CCR5AS: variants seen among roughly 807,000 people sequenced by gnomAD.
CCR5AS encodes the protein CCR5 antisense RNA.
intron 2 of CCR5AS, chr3:46,374,242 A>C (rs1303932410): frequency 3.3e-6 from 1 of 300,414 alleles, no homozygotes; most frequent in African/African-American, 2.2e-5. Context: ...CTCTCCCTTC[A>C]CTCCGAAAGT....
intron 2 of CCR5AS, chr3:46,375,136 C>T (rs1001866233): frequency 1.8e-5 from 3 of 167,004 alleles, no homozygotes; most frequent in Non-Finnish European, 2.9e-5. Flanking sequence ...GTTTGCAGAG[C>T]TTGAACACAG....
At chr3:46,381,002 C>G (rs1454848829) in intron 2 of CCR5AS, among the ~76,000 whole-genome samples, 1 of 151,848 alleles carries the variant, frequency 6.6e-6, no homozygotes, top group African/African-American at 2.4e-5. Flanking sequence ...ATTCCCCAAG[C>G]TGGTTTTTTT....
chr3:46,398,197 AC>A (rs1206010786), intron 1 of CCR5AS, among the ~76,000 whole-genome samples: 1 of 39,316 alleles, frequency 2.5e-5, no homozygotes, highest in South Asian at 2.0e-3. Context: ...AAAATGGAAG[AC>A]CCCAAAACCC....
chr3:46,372,314 T>C (rs993313070), intron 2 of CCR5AS, among the ~76,000 whole-genome samples: 3 of 152,164 alleles, frequency 2.0e-5, no homozygotes, highest in African/African-American at 7.2e-5. Context: ...GAGGATCGCT[T>C]GAGCCCAGGA....
intron 3 of CCR5AS, among the ~76,000 whole-genome samples, chr3:46,367,096 T>C (rs1701606856): frequency 6.6e-6 from 1 of 152,150 alleles, no homozygotes; most frequent in South Asian, 2.1e-4. Flanking sequence ...GTATCTTTAA[T>C]CCATTTATAG....
intron 2 of CCR5AS, among the ~76,000 whole-genome samples, chr3:46,382,589 G>T (rs1348428503): frequency 1.3e-5 from 2 of 152,140 alleles, no homozygotes; most frequent in Admixed American, 6.5e-5. Flanking sequence ...TTGTGTTGGG[G>T]TATAAATTAT....
At chr3:46,405,373 C>T (rs1426069080) in intron 1 of CCR5AS, among the ~76,000 whole-genome samples, 2 of 152,192 alleles carry the variant, frequency 1.3e-5, no homozygotes, top group Non-Finnish European at 2.9e-5. Flanking sequence ...ACATGAGGTG[C>T]CTGACTGCTG....
Position 46,400,024 on chromosome 3 carries a change from G to A in CCR5AS, n.163+6873C>T, listed in dbSNP as rs569517978. On this transcript the variant is annotated intron_variant and non_coding_transcript_variant, in intron 1 of 3. Transcript: ENST00000451485. ...TTTTTTTGAAACAGGGTCTCACTCT[G>A]TCACACAGGCTGGAGTGTAGTAGTA... Among the ~76,000 whole-genome samples the A allele has an allele frequency of 2.4e-4, 37 of 152,224 alleles. 1 individual carries two copies. The highest frequency in any genetic ancestry group is 8.7e-4 in the African/African-American group (36 of 41,530).
intron 2 of CCR5AS, among the ~76,000 whole-genome samples, chr3:46,392,029 C>T (rs1011923387): frequency 2.6e-5 from 4 of 152,062 alleles, no homozygotes; most frequent in Admixed American, 6.6e-5. Context: ...GCCCATTTTA[C>T]GACAAAAATT....
intron 1 of CCR5AS, among the ~76,000 whole-genome samples, chr3:46,393,626 T>C (rs1179370697): frequency 6.6e-6 from 1 of 152,244 alleles, no homozygotes; most frequent in Admixed American, 6.5e-5. Context: ...GAAGCAAGTA[T>C]GCTGGTGCTA....
At chr3:46,405,600 G>C (rs989354892) in intron 1 of CCR5AS, among the ~76,000 whole-genome samples, 1 of 152,074 alleles carries the variant, frequency 6.6e-6, no homozygotes, top group East Asian at 1.9e-4. Flanking sequence ...CAGGCTGTAG[G>C]GGGTGGGAAG....
At chr3:46,366,878 T>G (rs1244267642) in intron 3 of CCR5AS, among the ~76,000 whole-genome samples, 1 of 152,182 alleles carries the variant, frequency 6.6e-6, no homozygotes, top group Non-Finnish European at 1.5e-5. Context: ...AAGGTGGCTC[T>G]AGGGACAGGA....
At chr3:46,372,898 A>T in intron 2 of CCR5AS, 1 of 1,572,498 alleles carries the variant, frequency 6.4e-7, no homozygotes, top group Non-Finnish European at 8.6e-7. Flanking sequence ...ACAGGGTGGA[A>T]CAAGATGGAT....
chr3:46,384,602 G>C (rs1448058335), intron 2 of CCR5AS, among the ~76,000 whole-genome samples: 1 of 152,158 alleles, frequency 6.6e-6, no homozygotes, highest in Non-Finnish European at 1.5e-5. Flanking sequence ...ACAGTGTCGG[G>C]ATAAGGCTCT....
At chr3:46,384,990 G>T (rs941851343) in intron 2 of CCR5AS, among the ~76,000 whole-genome samples, 6 of 152,156 alleles carry the variant, frequency 3.9e-5, no homozygotes, top group Non-Finnish European at 7.4e-5. Flanking sequence ...AGGAGATCAG[G>T]AGCAGTGGGC....
chr3:46,373,363 T>C (rs1347467412), intron 2 of CCR5AS: 1 of 1,613,916 alleles, frequency 6.2e-7, no homozygotes, highest in Non-Finnish European at 8.5e-7. Context: ...ATCACTTGGG[T>C]GGTGGCTGTG....
chr3:46,369,709 G>A (rs148007422), intron 3 of CCR5AS, among the ~76,000 whole-genome samples: 65 of 152,256 alleles, frequency 4.3e-4, no homozygotes, highest in African/African-American at 1.3e-3. Flanking sequence ...GATGCTGGCC[G>A]TGGATGCCTC....
intron 1 of CCR5AS, chr3:46,406,789 C>G (rs928633137): frequency 3.3e-5 from 5 of 152,914 alleles, no homozygotes; most frequent in South Asian, 2.1e-4. Flanking sequence ...CTTTTCCCAG[C>G]TGACATCACC....
chr3:46,368,430 T>C (rs1701621397), intron 3 of CCR5AS, among the ~76,000 whole-genome samples: 1 of 152,236 alleles, frequency 6.6e-6, no homozygotes, highest in South Asian at 2.1e-4. Flanking sequence ...TTCATTTAAA[T>C]GCTGAAGAAT....
Sources: allele counts gnomAD v4.1 joint callset (sites outside exome capture counted in the v4.1 genomes callset), GRCh38; gene constraint gnomAD v4.1.1; transcripts MANE v1.5; gene names NCBI Gene and HGNC (gene_info 2026-07-23, HGNC 2026-07-21).